GSDMB: variants seen among roughly 807,000 people sequenced by gnomAD.
GSDMB encodes gasdermin B.
In GSDMB, 32 loss-of-function variants were observed where a neutral mutation model predicts 42.9. The ratio of observed to expected loss-of-function variants is 0.75; its 90% CI spans 0.56 to 1.00. The LOEUF (loss-of-function observed/expected upper bound fraction) is 1.00. Among genes scored for constraint, GSDMB ranks in the 50% least tolerant of loss-of-function variants. The pLI, the probability that GSDMB is intolerant of heterozygous loss-of-function variation, is 0.00. For missense variants in GSDMB, 468 were observed against 498.5 expected, an observed-to-expected ratio of 0.94 and a Z score of 0.58; for synonymous variants, 175 against 193.7, an observed-to-expected ratio of 0.90 and a Z score of 0.80.
intron 3 of GSDMB, among the ~76,000 whole-genome samples, chr17:39,910,442 C>A (rs1283828076): frequency 6.6e-6 from 1 of 152,212 alleles, no homozygotes; most frequent in African/African-American, 2.4e-5. Flanking sequence ...TGATGGTAGG[C>A]AGAATTACGT....
At position 39,904,723 on chromosome 17, in the gene GSDMB, C is replaced by T; in HGVS notation, c.*89G>A. ...GGCTGCTTGTTTTAAAGAGGTCCCA[C>T]TGGTGACAGGATGGTAGTGGCGATG... On this transcript the variant is annotated 3_prime_UTR_variant, in exon 11 of 11. Coordinates refer to ENST00000418519, the MANE Select transcript of GSDMB (RefSeq NM_001165958.2). 5.3e-5 allele frequency: 58 copies of T among 1,088,156 alleles called. No homozygotes were observed. Among genetic ancestry groups the T allele is most frequent in the Non-Finnish European group, 7.9e-5 (58 of 735,756 alleles). 67.4% of individuals were successfully genotyped at this position (1,088,156 alleles called of 1,614,324 possible). A position where few individuals can be genotyped will look rare whatever the true frequency, so the allele number is the denominator to read the frequency against.
chr17:39,917,759 C>CA (rs2063741806), intron 1 of GSDMB: 1 of 198,254 alleles, frequency 5.0e-6, no homozygotes, highest in Non-Finnish European at 1.0e-5. Flanking sequence ...AGCTTGCCTG[C>CA]ACCCAGCCTT....
Position 39,905,498 on chromosome 17 carries a change from T to TG in GSDMB, c.1028-3dup, listed in dbSNP as rs753438863. ...CAAACTGCTGCTCTTCAGACAGCTC[T>TG]GGGGGCAAAGAAAGAGTGGTAAAAA... On this transcript the variant is annotated splice_region_variant and splice_polypyrimidine_tract_variant and intron_variant, in intron 9 of 10. Transcript: ENST00000418519. 26 of 1,607,544 alleles carry TG rather than the reference T, an allele frequency of 1.6e-5. No individual in the cohort carries two copies. The highest frequency in any genetic ancestry group is 2.1e-5 in the Non-Finnish European group (25 of 1,176,422).
chr17:39,906,366 C>G (rs1484625438), intron 7 of GSDMB, 95 bp from the exon 8 acceptor site: 1 of 1,162,352 alleles, frequency 8.6e-7, no homozygotes, highest in African/African-American at 1.5e-5. Flanking sequence ...TGGAGACCAC[C>G]TCTTTGTATC....
intron 10 of GSDMB, 137 bp from the exon 11 acceptor site, chr17:39,905,101 C>T (rs1474424657): frequency 5.4e-6 from 4 of 747,392 alleles, no homozygotes; most frequent in East Asian, 2.5e-5. Context: ...CTGCAGAGCC[C>T]GGAGAGCTTC....
chr17:39,908,629 C>T (rs1392336516), intron 5 of GSDMB, among the ~76,000 whole-genome samples: 1 of 152,222 alleles, frequency 6.6e-6, no homozygotes, highest in African/African-American at 2.4e-5. Context: ...ATCCGCCCAC[C>T]TTGGCCTCCC....
intron 3 of GSDMB, among the ~76,000 whole-genome samples, chr17:39,911,332 AAAAAGG>A (rs1293409339): frequency 1.3e-5 from 2 of 151,602 alleles, no homozygotes; most frequent in South Asian, 2.1e-4. Context: ...TCAAAAAAAA[AAAAAGG>A]AAAAGGAAAA....
chr17:39,917,326 A>C lies in GSDMB; in HGVS notation c.-10T>G. The stretch of plus-strand genomic sequence containing the variant: ...CAAATACGCTGAACATTGCGCCTGG[A>C]CCAACTCAGAAACAGAAGCCAATTT... On this transcript the variant is annotated 5_prime_UTR_variant, in exon 2 of 11. Transcript: ENST00000418519. 2 of 1,567,606 alleles carry C rather than the reference A, an allele frequency of 1.3e-6. No homozygotes were observed. The highest frequency in any genetic ancestry group is 2.2e-5 in the South Asian group (2 of 90,216).
rs1353691353 is a variant in GSDMB at position 39,904,981 on chromosome 17, C to T, written c.1099-17G>A. On this transcript the variant is annotated splice_polypyrimidine_tract_variant and intron_variant, in intron 10 of 10. Transcript: ENST00000418519. ...AGATTTCACCTGGAAGGAAACCCCC[C>T]AGATTGTAACAGCTAGGAACAACGA... The T allele has an allele frequency of 3.1e-6, 5 of 1,610,342 alleles. No homozygotes were observed. Among genetic ancestry groups the T allele is most frequent in the Non-Finnish European group, 4.2e-6 (5 of 1,176,924 alleles).
intron 2 of GSDMB, among the ~76,000 whole-genome samples, chr17:39,916,655 A>G (rs767780623): frequency 8.6e-5 from 13 of 152,004 alleles, no homozygotes; most frequent in Non-Finnish European, 1.3e-4. Context: ...TAGAGCAATA[A>G]AACAACTTGT....
intron 3 of GSDMB, among the ~76,000 whole-genome samples, chr17:39,910,316 T>C (rs2063585306): frequency 6.6e-6 from 1 of 152,024 alleles, no homozygotes; most frequent in South Asian, 2.1e-4. Flanking sequence ...AGAGCAAGAC[T>C]CCACCTCAAA....
chr17:39,914,069 T>C (rs1057218333), intron 2 of GSDMB, among the ~76,000 whole-genome samples: 1 of 149,632 alleles, frequency 6.7e-6, no homozygotes, highest in Non-Finnish European at 1.5e-5. Flanking sequence ...GCACAAAGAG[T>C]ACTATATGAA....
intron 2 of GSDMB, among the ~76,000 whole-genome samples, chr17:39,914,955 G>C (rs2063682182): frequency 6.6e-6 from 1 of 151,104 alleles, no homozygotes; most frequent in Non-Finnish European, 1.5e-5. Context: ...TCCTGCCTCA[G>C]CCTCCCGAGT....
At chr17:39,905,375 A>C in intron 10 of GSDMB, 51 bp downstream of exon 10, 1 of 1,275,354 alleles carries the variant, frequency 7.8e-7, no homozygotes, top group Non-Finnish European at 1.1e-6. Flanking sequence ...CCTTGAGAAT[A>C]TGGGCATTCC....
In GSDMB at chr17:39,905,369, G is replaced by A. The variant is rs1259228121; in HGVS notation, c.1098+57C>T. On this transcript the variant is annotated intron_variant, in intron 10 of 10. Coordinates refer to ENST00000418519, the MANE Select transcript of GSDMB (RefSeq NM_001165958.2). ...GTACCCTGGGACTTCTGGGTCCCTT[G>A]AGAATATGGGCATTCCCTTCCACTA... The A allele has an allele frequency of 1.5e-5, 19 of 1,229,820 alleles. 1 individual carries two copies. In the South Asian group the frequency reaches 1.9e-4, roughly 12 times the overall value. 76.2% of individuals were successfully genotyped at this position (1,229,820 alleles called of 1,614,324 possible).
chr17:39,917,213 C>T lies in GSDMB; in HGVS notation c.104G>A (p.Arg35His), dbSNP rs368965722. ...VRSLVDADRF[R>H]CFHLVGEKRT... is the part of the protein sequence containing the mutation. ...CTTCTCCCCCACCAGATGGAAGCAG[C>T]GGAATCTATCAGCATCAACAAGGCT... is the stretch of plus-strand genomic sequence containing the variant. The change falls in exon 2 of 11, where the codon CGC becomes CAC. Residue 35 changes from arginine (R) to histidine (H), a missense_variant. Physicochemically the swap from Arg to His is conservative, Grantham distance 29 (BLOSUM62 0). Coordinates refer to ENST00000418519, the MANE Select transcript of GSDMB (RefSeq NM_001165958.2). The T allele has an allele frequency of 8.1e-6, 13 of 1,613,684 alleles. No individual in the cohort carries two copies. Among genetic ancestry groups the T allele is most frequent in the African/African-American group, 4.0e-5 (3 of 74,906 alleles).
chr17:39,905,498 TG>T lies in GSDMB; in HGVS notation c.1028-3del. On this transcript the variant is annotated splice_region_variant and splice_polypyrimidine_tract_variant and intron_variant, in intron 9 of 10. Coordinates refer to ENST00000418519, the MANE Select transcript of GSDMB (RefSeq NM_001165958.2). ...CAAACTGCTGCTCTTCAGACAGCTC[TG>T]GGGGCAAAGAAAGAGTGGTAAAAAG... 6.2e-7 allele frequency: 1 copy of T among 1,607,662 alleles called. No individual in the cohort carries two copies. Among genetic ancestry groups the T allele is most frequent in the Non-Finnish European group, 8.5e-7 (1 of 1,176,414 alleles).
chr17:39,905,407 T>C lies in GSDMB; in HGVS notation c.1098+19A>G, dbSNP rs1159666023. The C allele has an allele frequency of 1.3e-6, 2 of 1,568,766 alleles. No individual in the cohort carries two copies. The highest frequency in any genetic ancestry group is 1.7e-6 in the Non-Finnish European group (2 of 1,147,148). The stretch of plus-strand genomic sequence containing the variant: ...TTCCCTTCCACTATGACCATGGCCC[T>C]CAGCCCAGGCTGTCTCACCTGGTCC... On this transcript the variant is annotated intron_variant, in intron 10 of 10. Transcript: ENST00000418519.
chr17:39,906,015 G>T (rs764467929), intron 8 of GSDMB, 30 bp from the exon 9 acceptor site: 2 of 1,613,234 alleles, frequency 1.2e-6, no homozygotes, highest in East Asian at 4.5e-5. Flanking sequence ...GAGATGAGCA[G>T]CAGTCTCACC....
Sources: gnomAD v4.1 joint callset for allele counts (sites outside exome capture counted in the v4.1 genomes callset) on GRCh38, gnomAD v4.1.1 for gene constraint, MANE v1.5 for transcripts, NCBI Gene and HGNC (gene_info 2026-07-23, HGNC 2026-07-21) for gene names.